ATP2B2: variants seen among roughly 807,000 people sequenced by gnomAD.
The protein encoded by ATP2B2 is ATPase plasma membrane Ca2+ transporting 2.
Under a neutral mutation model 120.0 loss-of-function variants are expected in ATP2B2, and 15 were observed. The observed-to-expected ratio is 0.12, with a 90% CI of 0.08 to 0.19. The LOEUF is 0.19. Among genes scored for constraint, ATP2B2 ranks in the 10% least tolerant of loss-of-function variants. The probability of loss-of-function intolerance (pLI) is 1.00; values close to 1 mark genes in which losing one functional copy is unlikely to be tolerated. For synonymous variants in ATP2B2, 694 were observed against 700.3 expected, an observed-to-expected ratio of 0.99 and a Z score of 0.14; for missense variants, 1,045 against 1,719.8, an observed-to-expected ratio of 0.61 and a Z score of 6.94.
intron 5 of ATP2B2, among the ~76,000 whole-genome samples, chr3:10,394,260 A>C (rs1165267182): frequency 6.6e-6 from 1 of 152,104 alleles, no homozygotes; most frequent in Non-Finnish European, 1.5e-5. Context: ...AGCCAAAACG[A>C]TTCCCAGCCC....
chr3:10,345,615 G>A, intron 17 of ATP2B2, 40 bp from the exon 18 acceptor site: 1 of 1,597,694 alleles, frequency 6.3e-7, no homozygotes, highest in Non-Finnish European at 8.6e-7. Flanking sequence ...GGGTGGCCGG[G>A]GGAGGTGACC....
chr3:10,508,536 TCTCCCATTTTA>T (rs1336801990), upstream of ATP2B2, among the ~76,000 whole-genome samples: 1 of 152,110 alleles, frequency 6.6e-6, no homozygotes, highest in Non-Finnish European at 1.5e-5. Context: ...CCTATCCAAT[TCTCCCATTTTA>T]CAGTTCAGCA....
chr3:10,366,328 C>G (rs972285555), intron 12 of ATP2B2, among the ~76,000 whole-genome samples: 2 of 152,200 alleles, frequency 1.3e-5, no homozygotes, highest in Non-Finnish European at 2.9e-5. Flanking sequence ...CTCCTCCCTT[C>G]TGGGGTTATT....
At chr3:10,651,954 T>G (rs1458377307) in intron 1 of ATP2B2, among the ~76,000 whole-genome samples, 1 of 152,176 alleles carries the variant, frequency 6.6e-6, no homozygotes, top group African/African-American at 2.4e-5. Context: ...ATTAACCTTG[T>G]GAACTAGAAG....
intron 3 of ATP2B2, among the ~76,000 whole-genome samples, chr3:10,518,519 C>T (rs990585857): frequency 6.6e-6 from 1 of 152,210 alleles, no homozygotes; most frequent in Non-Finnish European, 1.5e-5. Context: ...TGCCCCCAAG[C>T]TGAGAGTGCC....
intron 1 of ATP2B2, among the ~76,000 whole-genome samples, chr3:10,636,453 C>A (rs1485698141): frequency 6.6e-6 from 1 of 152,142 alleles, no homozygotes; most frequent in Non-Finnish European, 1.5e-5. Context: ...TTAGGAAGAA[C>A]TTCTAGAAAG....
chr3:10,655,025 A>G (rs549589552), intron 1 of ATP2B2, among the ~76,000 whole-genome samples: 1 of 152,316 alleles, frequency 6.6e-6, no homozygotes, highest in Non-Finnish European at 1.5e-5. Context: ...TAAAAATGCC[A>G]GAAGAGCACA....
At chr3:10,512,361 G>C (rs1308999101) in intron 3 of ATP2B2, among the ~76,000 whole-genome samples, 2 of 152,064 alleles carry the variant, frequency 1.3e-5, no homozygotes, top group African/African-American at 4.8e-5. Flanking sequence ...AATAAAATGT[G>C]GTCATCCCAG....
At chr3:10,651,057 A>G (rs2070448311) in intron 1 of ATP2B2, among the ~76,000 whole-genome samples, 1 of 152,186 alleles carries the variant, frequency 6.6e-6, no homozygotes, top group South Asian at 2.1e-4. Context: ...CTGTACCCCC[A>G]TTGTATCTAG....
chr3:10,658,636 A>T (rs1234218797), intron 1 of ATP2B2, among the ~76,000 whole-genome samples: 1 of 152,160 alleles, frequency 6.6e-6, no homozygotes, highest in African/African-American at 2.4e-5. Flanking sequence ...CCTGAAAGTG[A>T]GGGGGAGAAT....
In ATP2B2 at chr3:10,666,943, C is replaced by A. The variant is rs1349586027; in HGVS notation, c.-460+40972G>T. Among the ~76,000 whole-genome samples, 3 of 152,346 alleles carry A rather than the reference C, an allele frequency of 2.0e-5. No individual in the cohort carries two copies. In the East Asian group the frequency reaches 5.8e-4, roughly 29 times the overall value. ...CACCTGATGTTTTCCAGGCTTCCCA[C>A]TTTAGTGGAGTTACCAGGCAACCAG... On this transcript the variant is annotated intron_variant, in intron 1 of 21. Coordinates refer to the ATP2B2 transcript ENST00000646379.
At chr3:10,508,291 G>A (rs542313108), upstream of ATP2B2, among the ~76,000 whole-genome samples, 4 of 152,236 alleles carry the variant, frequency 2.6e-5, no homozygotes, top group South Asian at 6.2e-4. Flanking sequence ...CTCATTCTTC[G>A]AAGTCCAACT....
At chr3:10,333,228 T>C (rs933206509) in intron 22 of ATP2B2, among the ~76,000 whole-genome samples, 25 of 152,198 alleles carry the variant, frequency 1.6e-4, no homozygotes, top group Admixed American at 9.8e-4. Flanking sequence ...GCACACTGGC[T>C]GCAGGTGTTT....
At chr3:10,512,508 ACACACACACT>A in intron 3 of ATP2B2, among the ~76,000 whole-genome samples, 1 of 127,766 alleles carries the variant, frequency 7.8e-6, no homozygotes, top group Admixed American at 7.5e-5. Flanking sequence ...ACACACACAC[ACACACACACT>A]GTCTGCCCCC....
At chr3:10,624,307 T>C (rs2069632878) in intron 1 of ATP2B2, among the ~76,000 whole-genome samples, 1 of 152,226 alleles carries the variant, frequency 6.6e-6, no homozygotes, top group South Asian at 2.1e-4. Context: ...ACCCCCTCAG[T>C]AACTTTTCCA....
chr3:10,653,907 A>AT (rs1290763079), intron 1 of ATP2B2, among the ~76,000 whole-genome samples: 2 of 151,526 alleles, frequency 1.3e-5, no homozygotes, highest in African/African-American at 4.9e-5. Flanking sequence ...TACTCAACAC[A>AT]TTTTTTCTCA....
chr3:10,385,227 C>G, intron 8 of ATP2B2, 41 bp downstream of exon 8: 1 of 1,605,264 alleles, frequency 6.2e-7, no homozygotes, highest in Non-Finnish European at 8.5e-7. Flanking sequence ...GTGAGAGACG[C>G]CCATCCAACC....
intron 1 of ATP2B2, among the ~76,000 whole-genome samples, chr3:10,695,644 C>A (rs2071731944): frequency 6.6e-6 from 1 of 152,146 alleles, no homozygotes; most frequent in Non-Finnish European, 1.5e-5. Context: ...CAACCCCTAA[C>A]CAAGTGAGAG....
At position 10,347,094 on chromosome 3, in the gene ATP2B2, C is replaced by A. The variant is rs80287091; in HGVS notation, c.2405-957G>T. The stretch of plus-strand genomic sequence containing the variant: ...CGGAATGTCGTTTTCCTGCTTCCCC[C>A]CTTGGTCTCAGGATAACATCCATGT... On this transcript the variant is annotated intron_variant, in intron 16 of 22. Coordinates refer to ENST00000360273, the MANE Select transcript of ATP2B2 (RefSeq NM_001001331.4). The surrounding 1 kb of genome is among the most constrained non-coding windows in gnomAD (Gnocchi z 5.2). Among the ~76,000 whole-genome samples the A allele has an allele frequency of 0.017, 2,603 of 152,224 alleles. 74 individuals carry two copies. The highest frequency in any genetic ancestry group is 0.059 in the African/African-American group (2,469 of 41,510).
Sources: allele counts gnomAD v4.1 joint callset (sites outside exome capture counted in the v4.1 genomes callset), GRCh38; gene constraint gnomAD v4.1.1; non-coding constraint Gnocchi (gnomAD v3.1); transcripts MANE v1.5; gene names NCBI Gene and HGNC (gene_info 2026-07-23, HGNC 2026-07-21).